RFTN1: variants seen among roughly 807,000 people sequenced by gnomAD.
RFTN1 encodes the protein raftlin.
In RFTN1, 26 loss-of-function variants were observed where a neutral mutation model predicts 46.5. That is an observed-to-expected ratio of 0.56 (90% CI 0.41 to 0.78). The LOEUF (loss-of-function observed/expected upper bound fraction) is 0.78. Ranked by LOEUF, RFTN1 falls within the 30% of genes least tolerant of loss-of-function variation. The pLI, the probability that RFTN1 is intolerant of heterozygous loss-of-function variation, is 0.00. For missense variants in RFTN1, 693 were observed against 718.7 expected (o/e 0.96, Z 0.41); for synonymous variants, 261 against 284.2 (o/e 0.92, Z 0.82).
At chr3:16,367,606 T>A (rs995294906) in intron 6 of RFTN1, among the ~76,000 whole-genome samples, 2 of 152,104 alleles carry the variant, frequency 1.3e-5, no homozygotes, top group Admixed American at 1.3e-4. Context: ...GGAAATTTCA[T>A]GTTCTGTCTT....
rs3054563 is a variant in RFTN1 at position 16,433,185 on chromosome 3, T to TTAAA, written c.332+665_332+666insTTTA. 0.17 allele frequency among the ~76,000 whole-genome samples: 25,723 copies of TTAAA among 150,116 alleles called. 2,360 individuals carry two copies. Among genetic ancestry groups the TTAAA allele is most frequent in the East Asian group, 0.24 (1,243 of 5,148 alleles). On this transcript the variant is annotated intron_variant, in intron 3 of 9. Transcript: ENST00000334133. This position sits in a 1 kb window ranked among gnomAD's most constrained non-coding sequence, Gnocchi z 4.4. ...TCCCATCCTCACTGTTTTTTTTTTT[T>TTAAA]AAAAAAATTAATATTGTTCCTTTTG...
rs537164042 is a variant in RFTN1 at position 16,335,544 on chromosome 3, A to T, written c.1147-8668T>A. On this transcript the variant is annotated intron_variant, in intron 7 of 9. Coordinates refer to ENST00000334133, the MANE Select transcript of RFTN1 (RefSeq NM_015150.2). The surrounding 1 kb of genome is among the most constrained non-coding windows in gnomAD (Gnocchi z 4.7). ...TCAAACACCACATGTTCTCACTTAC[A>T]AGTGGGAGAGCTGAACGGTGAAAAC... Among the ~76,000 whole-genome samples, 62 of 152,322 alleles carry T rather than the reference A, an allele frequency of 4.1e-4. No homozygotes were observed. Among genetic ancestry groups the T allele is most frequent in the Admixed American group, 2.5e-3 (39 of 15,304 alleles).
intron 7 of RFTN1, 110 bp from the exon 8 acceptor site, chr3:16,326,986 T>TGCC (rs753465019): frequency 6.6e-6 from 5 of 755,332 alleles, no homozygotes; most frequent in Non-Finnish European, 1.1e-5. Context: ...GAAGTGGCGG[T>TGCC]GCCCGGCCAC....
At position 16,451,395 on chromosome 3, in the gene RFTN1, C is replaced by G. The variant is rs2075821596; in HGVS notation, c.146-17358G>C. 6.6e-6 allele frequency among the ~76,000 whole-genome samples: 1 copy of G among 152,198 alleles called. No homozygotes were observed. The highest frequency in any genetic ancestry group is 1.5e-5 in the Non-Finnish European group (1 of 68,036). ...TCTAATAGGGCACTCTCCAGTACAC[C>G]CATGACTTTCTGCTTCATTAGCTGG... On this transcript the variant is annotated intron_variant, in intron 2 of 9. Transcript: ENST00000334133. This position sits in a 1 kb window ranked among gnomAD's most constrained non-coding sequence, Gnocchi z 4.2.
chr3:16,404,545 A>G (rs993989661), intron 4 of RFTN1, among the ~76,000 whole-genome samples: 3 of 149,484 alleles, frequency 2.0e-5, no homozygotes, highest in African/African-American at 7.4e-5. Context: ...GCTCTGCTCC[A>G]CATAATCAAA....
intron 4 of RFTN1, among the ~76,000 whole-genome samples, chr3:16,409,012 G>GA (rs1468442627): frequency 1.2e-4 from 19 of 152,236 alleles, no homozygotes. Context: ...ACTAGGAAGG[G>GA]AAGGGGGCTT....
In RFTN1 at chr3:16,356,022, T is replaced by C. The variant is rs994994447; in HGVS notation, c.1146+1910A>G. On this transcript the variant is annotated intron_variant, in intron 7 of 9. Coordinates refer to ENST00000334133, the MANE Select transcript of RFTN1 (RefSeq NM_015150.2). The surrounding 1 kb of genome is among the most constrained non-coding windows in gnomAD (Gnocchi z 4.9). ...CATCGCTACTGTTACAGCCAAATGTTACGGAGCAAACTGAATGCCGGCTGC... is the reference window on the plus strand; with the variant it reads ...CATCGCTACTGTTACAGCCAAATGTCACGGAGCAAACTGAATGCCGGCTGC... Among the ~76,000 whole-genome samples, 5 of 152,206 alleles carry C rather than the reference T, an allele frequency of 3.3e-5. No individual in the cohort carries two copies. The highest frequency in any genetic ancestry group is 7.3e-5 in the Non-Finnish European group (5 of 68,034).
chr3:16,469,943 C>G (rs547110188), intron 2 of RFTN1, among the ~76,000 whole-genome samples: 1 of 152,278 alleles, frequency 6.6e-6, no homozygotes, highest in African/African-American at 2.4e-5. Flanking sequence ...TGACAATAAC[C>G]CAGAGGAGCT....
chr3:16,356,979 G>A lies in RFTN1; in HGVS notation c.1146+953C>T, dbSNP rs1333755895. 6.6e-6 allele frequency among the ~76,000 whole-genome samples: 1 copy of A among 152,080 alleles called. No individual in the cohort carries two copies. The highest frequency in any genetic ancestry group is 6.5e-5 in the Admixed American group (1 of 15,276). ...AAAATACAAAAATTAGCTGGGTGTG[G>A]TGGCGGGTGCCTGTAGTCCCAGCTA... On this transcript the variant is annotated intron_variant, in intron 7 of 9. Coordinates refer to ENST00000334133, the MANE Select transcript of RFTN1 (RefSeq NM_015150.2). The surrounding 1 kb of genome is among the most constrained non-coding windows in gnomAD (Gnocchi z 4.9).
intron 3 of RFTN1, among the ~76,000 whole-genome samples, chr3:16,430,201 C>T (rs1373834815): frequency 6.6e-6 from 1 of 152,116 alleles, no homozygotes; most frequent in African/African-American, 2.4e-5. Flanking sequence ...GCCTCCAGCT[C>T]GTGGGCTCAA....
At chr3:16,333,700 G>A (rs2125255698) in intron 7 of RFTN1, among the ~76,000 whole-genome samples, 1 of 151,922 alleles carries the variant, frequency 6.6e-6, no homozygotes, top group South Asian at 2.1e-4. Flanking sequence ...TGACAAAATG[G>A]AAAAATGTTT....
intron 4 of RFTN1, among the ~76,000 whole-genome samples, chr3:16,379,482 C>G (rs2073907168): frequency 6.6e-6 from 1 of 152,192 alleles, no homozygotes; most frequent in African/African-American, 2.4e-5. Flanking sequence ...ATCATTGTCT[C>G]CATTTCAGAT....
chr3:16,477,337 T>G (rs1054961710), intron 2 of RFTN1, among the ~76,000 whole-genome samples: 1 of 152,166 alleles, frequency 6.6e-6, no homozygotes, highest in African/African-American at 2.4e-5. Context: ...GTGTGTCAAT[T>G]GAATGCAATT....
intron 6 of RFTN1, among the ~76,000 whole-genome samples, chr3:16,369,137 G>T (rs1345325799): frequency 6.6e-6 from 1 of 152,230 alleles, no homozygotes; most frequent in Non-Finnish European, 1.5e-5. Context: ...ATGATTTAAA[G>T]TACATTCATT....
Position 16,458,093 on chromosome 3 carries a change from A to G in RFTN1, c.146-24056T>C, listed in dbSNP as rs1376119268. Among the ~76,000 whole-genome samples, 1 of 152,070 alleles carries G rather than the reference A, an allele frequency of 6.6e-6. No individual in the cohort carries two copies. Among genetic ancestry groups the G allele is most frequent in the Non-Finnish European group, 1.5e-5 (1 of 68,016 alleles). On this transcript the variant is annotated intron_variant, in intron 2 of 9. Coordinates refer to ENST00000334133, the MANE Select transcript of RFTN1 (RefSeq NM_015150.2). This position sits in a 1 kb window ranked among gnomAD's most constrained non-coding sequence, Gnocchi z 5.1. ...GGACTTCCCAGCCTCCAGAACTGTG[A>G]GCAAAAAAAAATCTTTGTTCTTTAT...
intron 6 of RFTN1, among the ~76,000 whole-genome samples, chr3:16,369,151 A>G (rs1314327552): frequency 2.0e-5 from 3 of 152,372 alleles, no homozygotes; most frequent in Middle Eastern, 6.8e-3. Flanking sequence ...ATTCATTTAG[A>G]ATTCAGAATG....
intron 4 of RFTN1, among the ~76,000 whole-genome samples, chr3:16,390,843 CA>C (rs2074326689): frequency 6.6e-6 from 1 of 152,182 alleles, no homozygotes; most frequent in East Asian, 1.9e-4. Context: ...ATTTCTACAC[CA>C]ACTGAACGAT....
intron 2 of RFTN1, among the ~76,000 whole-genome samples, chr3:16,441,819 C>T (rs954466428): frequency 1.3e-5 from 2 of 152,220 alleles, no homozygotes; most frequent in African/African-American, 4.8e-5. Flanking sequence ...CACTGCTCAA[C>T]CAAATCTCTC....
chr3:16,378,973 A>C (rs1313820011), intron 4 of RFTN1, among the ~76,000 whole-genome samples: 1 of 152,236 alleles, frequency 6.6e-6, no homozygotes, highest in Non-Finnish European at 1.5e-5. Context: ...AAAATAAATA[A>C]CCTAATAAAA....
Sources: allele counts gnomAD v4.1 joint callset (sites outside exome capture counted in the v4.1 genomes callset), GRCh38; gene constraint gnomAD v4.1.1; non-coding constraint Gnocchi (gnomAD v3.1); transcripts MANE v1.5; gene names NCBI Gene and HGNC (gene_info 2026-07-23, HGNC 2026-07-21).